GHR: variants seen among roughly 807,000 people sequenced by gnomAD.
GHR encodes the protein growth hormone receptor, also known as GH receptor.
In GHR, 35 loss-of-function variants were observed where a neutral mutation model predicts 67.1. That is an observed-to-expected ratio of 0.52 (90% CI 0.40 to 0.69). The LOEUF (loss-of-function observed/expected upper bound fraction) is 0.69. Ranked by LOEUF, GHR falls within the 30% of genes least tolerant of loss-of-function variation. The pLI is 0.00. For missense variants in GHR, 792 were observed against 764.6 expected (o/e 1.04, Z -0.42); for synonymous variants, 272 against 269.1 (o/e 1.01, Z -0.10).
intron 2 of GHR, among the ~76,000 whole-genome samples, chr5:42,626,457 T>C (rs1436147645): frequency 6.6e-6 from 1 of 152,192 alleles, no homozygotes; most frequent in Non-Finnish European, 1.5e-5. Context: ...GGGTTGGAGT[T>C]GCAGAGTTTC....
intron 1 of GHR, chr5:42,467,634 A>G: frequency 2.5e-6 from 4 of 1,606,676 alleles, no homozygotes; most frequent in Non-Finnish European, 3.4e-6. Context: ...TTGAGCAAAC[A>G]TAAGGTTTCT....
chr5:42,665,534 G>T (rs1391547182), intron 3 of GHR, among the ~76,000 whole-genome samples: 2 of 151,864 alleles, frequency 1.3e-5, no homozygotes, highest in Non-Finnish European at 2.9e-5. Context: ...CTCATAGGTG[G>T]GAATTGAACA....
At chr5:42,468,801 G>T in intron 1 of GHR, 1 of 1,056,550 alleles carries the variant, frequency 9.5e-7, no homozygotes, top group Non-Finnish European at 1.4e-6. Flanking sequence ...CCGATTAGTT[G>T]TCAAATAACT....
chr5:42,632,652 G>GA (rs1753985189), intron 3 of GHR, among the ~76,000 whole-genome samples: 1 of 152,104 alleles, frequency 6.6e-6, no homozygotes, highest in East Asian at 1.9e-4. Flanking sequence ...TTTTCTGGGG[G>GA]AAAAAAGACC....
chr5:42,532,623 A>G (rs1038999658), intron 1 of GHR, among the ~76,000 whole-genome samples: 2 of 152,120 alleles, frequency 1.3e-5, no homozygotes, highest in African/African-American at 4.8e-5. Flanking sequence ...ATACTTTGCC[A>G]CTTTTACTAC....
intron 2 of GHR, among the ~76,000 whole-genome samples, chr5:42,594,942 T>C (rs966829330): frequency 6.6e-6 from 1 of 152,124 alleles, no homozygotes; most frequent in Non-Finnish European, 1.5e-5. Flanking sequence ...AATAGTAGCT[T>C]AATATTATTA....
chr5:42,619,974 T>C (rs557879248), intron 2 of GHR, among the ~76,000 whole-genome samples: 1 of 152,290 alleles, frequency 6.6e-6, no homozygotes, highest in Admixed American at 6.5e-5. Flanking sequence ...GAGCACCACA[T>C]ATGTCAGTAT....
intron 2 of GHR, among the ~76,000 whole-genome samples, chr5:42,613,198 A>G (rs78956565): frequency 0.023 from 3,547 of 152,148 alleles, 140 homozygotes; most frequent in African/African-American, 0.082. Context: ...AAGCTGTTCT[A>G]ACTTTCAGCA....
intron 2 of GHR, among the ~76,000 whole-genome samples, chr5:42,593,471 A>G (rs1463554432): frequency 6.6e-6 from 1 of 152,212 alleles, no homozygotes; most frequent in East Asian, 1.9e-4. Flanking sequence ...AGTCCTGCCT[A>G]TATTCAAGGT....
intron 1 of GHR, among the ~76,000 whole-genome samples, chr5:42,508,472 G>A (rs1746869611): frequency 1.3e-5 from 2 of 152,196 alleles, no homozygotes; most frequent in Non-Finnish European, 2.9e-5. Flanking sequence ...ATGAAAGCAG[G>A]ATTGGTATGC....
intron 2 of GHR, among the ~76,000 whole-genome samples, chr5:42,582,244 C>T (rs1174510215): frequency 1.3e-5 from 2 of 152,260 alleles, no homozygotes; most frequent in African/African-American, 4.8e-5. Context: ...CAGTGAAGCT[C>T]CACCTTCAAG....
chr5:42,473,579 T>C (rs1199503598), intron 1 of GHR, among the ~76,000 whole-genome samples: 2 of 152,098 alleles, frequency 1.3e-5, no homozygotes, highest in African/African-American at 4.8e-5. Flanking sequence ...TAGAAAGGTC[T>C]ATTGAAAAGT....
At chr5:42,713,324 T>A (rs1451807572) in intron 7 of GHR, 105 bp from the exon 8 acceptor site, 1 of 714,808 alleles carries the variant, frequency 1.4e-6, no homozygotes, top group Admixed American at 1.9e-5. Context: ...CTGACTTTAT[T>A]AGATGAATAC....
At chr5:42,449,515 A>G (rs555275886) in intron 1 of GHR, among the ~76,000 whole-genome samples, 14 of 152,224 alleles carry the variant, frequency 9.2e-5, no homozygotes, top group Non-Finnish European at 1.6e-4. Flanking sequence ...GAATTCATTT[A>G]TCAGATCTAG....
At chr5:42,517,819 T>C (rs190470470) in intron 1 of GHR, among the ~76,000 whole-genome samples, 2 of 152,190 alleles carry the variant, frequency 1.3e-5, no homozygotes, top group Admixed American at 1.3e-4. Flanking sequence ...ACAACATGTC[T>C]TCTGGGTGTT....
chr5:42,686,806 T>A (rs1757171761), intron 3 of GHR, among the ~76,000 whole-genome samples: 1 of 152,142 alleles, frequency 6.6e-6, no homozygotes, highest in Admixed American at 6.6e-5. Flanking sequence ...CTTTTCAACA[T>A]ATTATTCAAA....
intron 2 of GHR, among the ~76,000 whole-genome samples, chr5:42,592,616 G>T (rs1350228426): frequency 6.6e-6 from 1 of 152,196 alleles, no homozygotes; most frequent in Non-Finnish European, 1.5e-5. Flanking sequence ...TGGCTGCATA[G>T]TATTCCATGG....
At chr5:42,710,079 A>C (rs1420615820) in intron 6 of GHR, among the ~76,000 whole-genome samples, 1 of 152,158 alleles carries the variant, frequency 6.6e-6, no homozygotes, top group East Asian at 1.9e-4. Flanking sequence ...ATAATAAAGT[A>C]AGTTCAGTAT....
chr5:42,688,824 G>T, intron 3 of GHR, 66 bp from the exon 4 acceptor site: 1 of 1,417,396 alleles, frequency 7.1e-7, no homozygotes, highest in Non-Finnish European at 1.0e-6. Flanking sequence ...CTTTAGATAC[G>T]TGTCTCATTA....
Sources: gnomAD v4.1 joint callset for allele counts (sites outside exome capture counted in the v4.1 genomes callset) on GRCh38, gnomAD v4.1.1 for gene constraint, MANE v1.5 for transcripts, NCBI Gene and HGNC (gene_info 2026-07-23, HGNC 2026-07-21) for gene names.